PINX1: variants seen among roughly 807,000 people sequenced by gnomAD.
PINX1 encodes the protein PIN2/TERF1-interacting telomerase inhibitor 1.
PINX1 carries 34 observed loss-of-function variants against 25.4 expected under a neutral mutation model. That is an observed-to-expected ratio of 1.34 (90% CI 1.02 to 1.78). The LOEUF (loss-of-function observed/expected upper bound fraction) is 1.78, where lower values mean the gene tolerates loss of function less well. Among genes scored for constraint, PINX1 ranks in the 40% most tolerant of loss-of-function variants. PINX1 has a pLI of 0.00. For missense variants in PINX1, 592 were observed against 404.9 expected, an observed-to-expected ratio of 1.46 and a Z score of -3.97; for synonymous variants, 197 against 147.7, an observed-to-expected ratio of 1.33 and a Z score of -2.42.
At chr8:10,817,864 C>G (rs1797748323) in intron 6 of PINX1, among the ~76,000 whole-genome samples, 1 of 152,226 alleles carries the variant, frequency 6.6e-6, no homozygotes, top group Admixed American at 6.5e-5. Context: ...GCAGGCTATC[C>G]CCGTGTTCTC....
intron 5 of PINX1, among the ~76,000 whole-genome samples, chr8:10,822,356 T>C (rs910908350): frequency 2.6e-5 from 4 of 152,204 alleles, no homozygotes; most frequent in African/African-American, 9.6e-5. Flanking sequence ...GGTCAAATCA[T>C]ACAAAATACT....
At chr8:10,823,696 C>A (rs575972775) in intron 5 of PINX1, among the ~76,000 whole-genome samples, 1 of 152,260 alleles carries the variant, frequency 6.6e-6, no homozygotes, top group South Asian at 2.1e-4. Context: ...GGTGCAGTGG[C>A]TCACACCTGT....
At chr8:10,785,999 C>G (rs968366585) in intron 6 of PINX1, among the ~76,000 whole-genome samples, 1 of 152,162 alleles carries the variant, frequency 6.6e-6, no homozygotes, top group African/African-American at 2.4e-5. Flanking sequence ...GTTTATGTGG[C>G]GAGCGCAGAG....
In PINX1 at chr8:10,835,302, C is replaced by T. The variant is rs141577481; in HGVS notation, c.20-527G>A. 2.8e-3 allele frequency among the ~76,000 whole-genome samples: 421 copies of T among 152,294 alleles called. 1 individual carries two copies. Among genetic ancestry groups the T allele is most frequent in the African/African-American group, 9.7e-3 (402 of 41,570 alleles). On this transcript the variant is annotated intron_variant, in intron 1 of 6. Transcript: ENST00000314787. The stretch of plus-strand genomic sequence containing the variant: ...AGTACCCCAACGAGTGTGGATAGTA[C>T]CATTGTCACTGGCAGATATGAAAAT...
At chr8:10,767,423 T>G (rs568269673) in intron 6 of PINX1, among the ~76,000 whole-genome samples, 78 of 152,088 alleles carry the variant, frequency 5.1e-4, no homozygotes, top group African/African-American at 1.7e-3. Context: ...AAAAAAATCA[T>G]GTGGTCAATT....
intron 6 of PINX1, among the ~76,000 whole-genome samples, chr8:10,796,565 T>C (rs146292589): frequency 2.6e-5 from 4 of 152,264 alleles, no homozygotes; most frequent in East Asian, 3.9e-4. Flanking sequence ...ATTCTGATAA[T>C]AGATTTCCTT....
At chr8:10,820,140 T>G (rs949216635) in intron 6 of PINX1, 53 bp downstream of exon 6, 18 of 1,144,082 alleles carry the variant, frequency 1.6e-5, no homozygotes, top group Non-Finnish European at 2.4e-5. Flanking sequence ...TATACACAGG[T>G]GAAAATCAGA....
At chr8:10,833,302 G>A (rs1175645178) in intron 2 of PINX1, among the ~76,000 whole-genome samples, 1 of 152,218 alleles carries the variant, frequency 6.6e-6, no homozygotes, top group Non-Finnish European at 1.5e-5. Context: ...GGATGACGGA[G>A]GGGCTAGATC....
intron 6 of PINX1, among the ~76,000 whole-genome samples, chr8:10,819,640 T>A (rs1253325704): frequency 6.6e-6 from 1 of 152,212 alleles, no homozygotes; most frequent in African/African-American, 2.4e-5. Context: ...ATTGAGGGTG[T>A]AGTTTAGTCA....
chr8:10,790,064 G>C (rs1328004473), intron 6 of PINX1, among the ~76,000 whole-genome samples: 7 of 152,078 alleles, frequency 4.6e-5, no homozygotes, highest in African/African-American at 1.7e-4. Flanking sequence ...CCCTCATCTC[G>C]ACAAGACACA....
At chr8:10,766,357 T>C (rs1026127900) in intron 6 of PINX1, among the ~76,000 whole-genome samples, 3 of 152,190 alleles carry the variant, frequency 2.0e-5, no homozygotes, top group Non-Finnish European at 4.4e-5. Context: ...TCATTATGGG[T>C]TACATGGGCC....
At chr8:10,802,696 G>C (rs567850361) in intron 6 of PINX1, among the ~76,000 whole-genome samples, 1 of 152,214 alleles carries the variant, frequency 6.6e-6, no homozygotes, top group South Asian at 2.1e-4. Flanking sequence ...ACCTCACTTC[G>C]GTCCCATGGG....
chr8:10,775,410 G>GTTTTTTTTTTTTTTTTTTTTTTTT (rs143926728), intron 6 of PINX1, among the ~76,000 whole-genome samples: 3 of 109,614 alleles, frequency 2.7e-5, no homozygotes, highest in Admixed American at 1.0e-4. Flanking sequence ...CTGTTTTGTG[G>GTTTTTTTTTTTTTTTTTTTTTTTT]TTTTTTTTTT....
intron 6 of PINX1, among the ~76,000 whole-genome samples, chr8:10,783,525 C>G (rs143073500): frequency 6.6e-6 from 1 of 152,310 alleles, no homozygotes; most frequent in East Asian, 1.9e-4. Flanking sequence ...CAAAGGTTAT[C>G]TTCCTTGATC....
At chr8:10,790,980 T>C (rs145891773) in intron 6 of PINX1, among the ~76,000 whole-genome samples, 23 of 152,302 alleles carry the variant, frequency 1.5e-4, no homozygotes, top group African/African-American at 5.5e-4. Context: ...AGGCGCAATC[T>C]TGGCTCACTG....
chr8:10,833,063 G>T (rs558915900), intron 2 of PINX1, 79 bp from the exon 3 acceptor site: 3 of 833,100 alleles, frequency 3.6e-6, no homozygotes, highest in Non-Finnish European at 5.7e-6. Context: ...AAAACTCACA[G>T]ATGCCTACGG....
At chr8:10,820,911 G>T (rs867553991) in intron 5 of PINX1, among the ~76,000 whole-genome samples, 59 of 152,184 alleles carry the variant, frequency 3.9e-4, no homozygotes, top group African/African-American at 1.4e-3. Context: ...TACATAGGGA[G>T]AGTAGGAAAT....
At chr8:10,801,364 T>C (rs116291921) in intron 6 of PINX1, among the ~76,000 whole-genome samples, 1 of 152,240 alleles carries the variant, frequency 6.6e-6, no homozygotes, top group Non-Finnish European at 1.5e-5. Context: ...ACATTTGCTT[T>C]ATGCCTTAAA....
chr8:10,810,006 A>G (rs981194753), intron 6 of PINX1, among the ~76,000 whole-genome samples: 15 of 152,120 alleles, frequency 9.9e-5, no homozygotes, highest in Non-Finnish European at 2.1e-4. Context: ...GAGAAGGGAG[A>G]GCCAGCCCAT....
Sources: gnomAD v4.1 joint callset for allele counts (sites outside exome capture counted in the v4.1 genomes callset) on GRCh38, gnomAD v4.1.1 for gene constraint, MANE v1.5 for transcripts, NCBI Gene and HGNC (gene_info 2026-07-23, HGNC 2026-07-21) for gene names.